The following ANK2 variants were observed in gnomAD, a reference collection of about 807,000 sequenced individuals.
The protein encoded by ANK2 is ankyrin 2, also known as ankyrin-2.
ANK2 carries 83 observed loss-of-function variants against 360.5 expected under a neutral mutation model. The ratio of observed to expected loss-of-function variants is 0.23; its 90% CI spans 0.19 to 0.28. The LOEUF (loss-of-function observed/expected upper bound fraction) is 0.28. Among genes scored for constraint, ANK2 ranks in the 10% least tolerant of loss-of-function variants. The probability of loss-of-function intolerance (pLI) is 1.00; values close to 1 mark genes in which losing one functional copy is unlikely to be tolerated. For synonymous variants in ANK2, 1,740 were observed against 1,759.5 expected, an observed-to-expected ratio of 0.99 and a Z score of 0.28; for missense variants, 4,201 against 4,795.7, an observed-to-expected ratio of 0.88 and a Z score of 3.66.
chr4:112,823,115 A>C (rs1248897226), intron 1 of ANK2, among the ~76,000 whole-genome samples: 1 of 152,242 alleles, frequency 6.6e-6, no homozygotes, highest in African/African-American at 2.4e-5. Flanking sequence ...TATTTGTAAA[A>C]GCAATAAACA....
chr4:113,348,204 CT>C lies in ANK2; in HGVS notation c.4372-68del, dbSNP rs1455951438. 3.3e-6 allele frequency: 5 copies of C among 1,505,820 alleles called. No homozygotes were observed. The South Asian group carries it at 5.7e-5, about 17-fold the overall frequency. The allele number at this position is 1,505,820 out of a possible 1,614,324, so 93.3% of individuals were successfully genotyped here. ...TGAAAGGGTATTTATTTACTCTTTC[CT>C]TTTCTTCTAAATACTCTCTACTCTT... is the stretch of plus-strand genomic sequence containing the variant. On this transcript the variant is annotated intron_variant, in intron 35 of 45. Transcript: ENST00000357077.
At chr4:112,743,164 G>A in the ANK2 span, among the ~76,000 whole-genome samples, 3 of 152,330 alleles carry the variant, frequency 2.0e-5, no homozygotes, top group African/African-American at 7.2e-5. Flanking sequence ...CATTTTAATG[G>A]TGTTTTATAT....
chr4:112,976,985 G>A (rs2041651378), intron 2 of ANK2, among the ~76,000 whole-genome samples: 1 of 152,136 alleles, frequency 6.6e-6, no homozygotes, highest in African/African-American at 2.4e-5. Context: ...AGTCCCTGTT[G>A]AACCAGATTT....
chr4:112,845,762 A>G (rs2063154340), intron 1 of ANK2, among the ~76,000 whole-genome samples: 1 of 152,238 alleles, frequency 6.6e-6, no homozygotes, highest in East Asian at 1.9e-4. Context: ...GTCAACGTAC[A>G]AGTATTTACT....
chr4:113,053,758 T>C (rs2154327980), intron 1 of ANK2, among the ~76,000 whole-genome samples: 1 of 152,172 alleles, frequency 6.6e-6, no homozygotes, highest in Middle Eastern at 3.4e-3. Flanking sequence ...CACAGCTGGC[T>C]ATTTTTGTTT....
intron 36 of ANK2, 54 bp downstream of exon 36, chr4:113,348,362 A>G (rs2095116336): frequency 3.2e-6 from 5 of 1,569,570 alleles, no homozygotes; most frequent in Non-Finnish European, 4.4e-6. Flanking sequence ...TGTAACCACT[A>G]ATAAGAGCAC....
At position 113,226,129 on chromosome 4, in the gene ANK2, AC is replaced by A. The variant is rs539160710; in HGVS notation, c.385-6031del. On this transcript the variant is annotated intron_variant, in intron 4 of 45. Transcript: ENST00000357077. ...TGTAATTCTCACTTCTTGGGATTTA[AC>A]AAAAACCTGCTTTCCACTCTTCTGG... Among the ~76,000 whole-genome samples, 21 of 152,358 alleles carry A rather than the reference AC, an allele frequency of 1.4e-4. No individual in the cohort carries two copies. In the South Asian group the frequency reaches 4.3e-3, roughly 32 times the overall value.
At chr4:112,749,341 C>T in the ANK2 span, among the ~76,000 whole-genome samples, 19 of 152,186 alleles carry the variant, frequency 1.2e-4, no homozygotes, top group African/African-American at 3.1e-4. Context: ...TCAAGAGTAA[C>T]GTGCATGTAG....
At chr4:113,058,706 C>A (rs2071454053) in intron 1 of ANK2, among the ~76,000 whole-genome samples, 1 of 151,862 alleles carries the variant, frequency 6.6e-6, no homozygotes, top group Non-Finnish European at 1.5e-5. Flanking sequence ...GCAATACACC[C>A]AATGGCCAAT....
At chr4:113,063,457 C>T (rs2154335812) in intron 1 of ANK2, among the ~76,000 whole-genome samples, 1 of 152,074 alleles carries the variant, frequency 6.6e-6, no homozygotes, top group South Asian at 2.1e-4. Context: ...TGCCCTTTTC[C>T]ACTATAAAAA....
At chr4:113,093,586 T>C (rs959302875) in intron 1 of ANK2, among the ~76,000 whole-genome samples, 1 of 152,160 alleles carries the variant, frequency 6.6e-6, no homozygotes, top group Non-Finnish European at 1.5e-5. Context: ...GTGATCTGCC[T>C]ACCTTGGCCT....
intron 2 of ANK2, among the ~76,000 whole-genome samples, chr4:113,021,541 C>CACACACACACACATATATAT (rs1489947974): frequency 0.021 from 1,968 of 95,436 alleles, 315 homozygotes; most frequent in Non-Finnish European, 0.033. Context: ...CACACACAAA[C>CACACACACACACATATATAT]ATATATATAT....
intron 4 of ANK2, among the ~76,000 whole-genome samples, chr4:113,200,611 G>T (rs1452160749): frequency 6.6e-6 from 1 of 152,092 alleles, no homozygotes; most frequent in African/African-American, 2.4e-5. Flanking sequence ...ATTTCATGTA[G>T]GATAATGGCC....
chr4:112,800,587 A>AAT, the ANK2 span, among the ~76,000 whole-genome samples: 18 of 152,282 alleles, frequency 1.2e-4, 1 homozygote, highest in South Asian at 1.5e-3. Context: ...AGAATTGAGA[A>AAT]ATAGTCACTC....
At position 113,354,948 on chromosome 4, in the gene ANK2, G is replaced by A. The variant is rs767101935; in HGVS notation, c.6330G>A (p.Val2110=). ...AAGAAAGCCACAGAGAGAGCGAAGT[G>A]CCCAAAGAAAAGATGGCTGATGAGC... The part of the protein sequence containing the change: ...PEEESHRESE[V]PKEKMADEQG... The change falls in exon 38 of 46, where the codon GTG becomes GTA. Residue 2110 remains valine (V), a synonymous_variant. Transcript: ENST00000357077. 1 of 1,614,024 alleles carries A rather than the reference G, an allele frequency of 6.2e-7. No individual in the cohort carries two copies. The highest frequency in any genetic ancestry group is 8.5e-7 in the Non-Finnish European group (1 of 1,179,976).
rs370499072 is a variant in ANK2 at position 113,357,673 on chromosome 4, A to T, written c.9055A>T (p.Met3019Leu). ...TGTCTCTTCATCTTTCGAGCCTACT[A>T]TGTCCGCTACAACAACAGTTGTTGG... ...DSVSSSFEPT[M>L]SATTTVVGEQ... The change falls in exon 38 of 46, where the codon ATG (methionine) becomes TTG (leucine). Residue 3019 changes from methionine (M) to leucine (L), a missense_variant. By Grantham distance (15) the Met-to-Leu change is conservative. Coordinates refer to ENST00000357077, the MANE Select transcript of ANK2 (RefSeq NM_001148.6). The T allele has an allele frequency of 2.3e-5, 37 of 1,614,170 alleles. No homozygotes were observed. The South Asian group carries it at 4.1e-4, about 18-fold the overall frequency.
the ANK2 span, among the ~76,000 whole-genome samples, chr4:112,780,171 A>G: frequency 6.8e-6 from 1 of 148,016 alleles, no homozygotes; most frequent in East Asian, 2.0e-4. Flanking sequence ...TGGGTGACAC[A>G]GTGAGACTCT....
At chr4:113,102,206 G>GA (rs1004340687) in intron 1 of ANK2, among the ~76,000 whole-genome samples, 1 of 151,374 alleles carries the variant, frequency 6.6e-6, no homozygotes, top group Non-Finnish European at 1.5e-5. Flanking sequence ...CTGTGGGGAT[G>GA]AAAAAAAAGT....
At chr4:113,331,912 A>G in intron 27 of ANK2, 60 bp from the exon 28 acceptor site, 2 of 1,482,642 alleles carry the variant, frequency 1.3e-6, no homozygotes, top group Non-Finnish European at 1.9e-6. Context: ...GGTTCTGTGG[A>G]AGACAATACC....
Sources: gnomAD v4.1 joint callset for allele counts (sites outside exome capture counted in the v4.1 genomes callset) on GRCh38, gnomAD v4.1.1 for gene constraint, MANE v1.5 for transcripts, NCBI Gene and HGNC (gene_info 2026-07-23, HGNC 2026-07-21) for gene names.